Variants in PARP14 observed in about 807,000 individuals in gnomAD.
The protein encoded by PARP14 is poly(ADP-ribose) polymerase family member 14.
A neutral mutation model predicts 154.2 loss-of-function variants in PARP14; 59 were observed. The ratio of observed to expected loss-of-function variants is 0.38; its 90% CI spans 0.31 to 0.48. The LOEUF (loss-of-function observed/expected upper bound fraction) is 0.48, where lower values mean the gene tolerates loss of function less well. PARP14 is among the 20% of genes least tolerant of loss of function. The pLI, the probability that PARP14 is intolerant of heterozygous loss-of-function variation, is 0.98. For missense variants in PARP14, 1,734 were observed against 2,131.6 expected, an observed-to-expected ratio of 0.81 and a Z score of 3.67; for synonymous variants, 720 against 780.5, an observed-to-expected ratio of 0.92 and a Z score of 1.29.
At chr3:122,686,850 T>C (rs1026717012) in intron 2 of PARP14, 2 of 491,954 alleles carry the variant, frequency 4.1e-6, no homozygotes, top group Admixed American at 7.4e-5. Context: ...AAATGCTTGG[T>C]GTTAATTGAG....
At position 122,701,488 on chromosome 3, in the gene PARP14, T is replaced by C; in HGVS notation, c.2934T>C (p.Phe978=). ...TTGCAGAAGCTGTGAAAACTGTATT[T>C]AAAGCCACCCTGCCAGATACAGCTG... is the stretch of plus-strand genomic sequence containing the variant. ...EAFAEAVKTV[F]KATLPDTAAP... Residue 978 remains phenylalanine (F), a synonymous_variant, in exon 6 of 17, where the codon TTT becomes TTC. Transcript: ENST00000474629. The surrounding 1 kb of genome is among the most constrained non-coding windows in gnomAD (Gnocchi z 4.0). The C allele has an allele frequency of 6.2e-7, 1 of 1,613,876 alleles. No individual in the cohort carries two copies. The highest frequency in any genetic ancestry group is 8.5e-7 in the Non-Finnish European group (1 of 1,179,842).
Position 122,700,194 on chromosome 3 carries a change from A to G in PARP14, c.1640A>G (p.Gln547Arg), listed in dbSNP as rs367886057. Residue 547 changes from glutamine to arginine, a missense_variant, in exon 6 of 17, where the codon CAA (glutamine) becomes CGA (arginine). Gln to Arg is a conservative substitution (Grantham distance 43). This residue lies in a region of PARP14 where 1,646 missense variants were observed against 1,976.0 expected (regional missense o/e 0.83). Transcript: ENST00000474629. ...TCTCCTGAGATTTTTCAGTTTTTGC[A>G]ACAGGTAAACTGGAAAGAATTCTCT... The part of the protein sequence containing the change: ...QVSPEIFQFL[Q>R]QVNWKEFSKC... The G allele has an allele frequency of 3.7e-5, 59 of 1,612,094 alleles. No individual in the cohort carries two copies. Among genetic ancestry groups the G allele is most frequent in the Middle Eastern group, 1.7e-4 (1 of 6,058 alleles).
In PARP14 at chr3:122,701,139, G is replaced by A. The variant is rs773698169; in HGVS notation, c.2585G>A (p.Gly862Asp). 6.2e-7 allele frequency: 1 copy of A among 1,613,836 alleles called. No homozygotes were observed. Residue 862 changes from glycine (G) to aspartate (D), a missense_variant, in exon 6 of 17, where the codon GGC (glycine) becomes GAC (aspartate). By Grantham distance (94) the Gly-to-Asp change is moderately conservative. Coordinates refer to ENST00000474629, the MANE Select transcript of PARP14 (RefSeq NM_017554.3). This position sits in a 1 kb window ranked among gnomAD's most constrained non-coding sequence, Gnocchi z 4.0. ...AAGAGAGAGGGCAGACTCCTACCGG[G>A]CAATGCCACCATCTCCAAGGCAGGA... ...IVKREGRLLP[G>D]NATISKAGKL...
At chr3:122,704,856 A>G in intron 8 of PARP14, 108 bp downstream of exon 8, 1 of 642,918 alleles carries the variant, frequency 1.6e-6, no homozygotes, top group Non-Finnish European at 2.7e-6. Flanking sequence ...CCCATTCAGG[A>G]AAGTAAGAAG....
chr3:122,682,183 C>T (rs1419184603), intron 1 of PARP14, among the ~76,000 whole-genome samples: 1 of 152,188 alleles, frequency 6.6e-6, no homozygotes, highest in African/African-American at 2.4e-5. Context: ...CCAAGGAGTG[C>T]TCAGAAGGGC....
At position 122,696,118 on chromosome 3, in the gene PARP14, C is replaced by T. The variant is rs77098192; in HGVS notation, c.835+456C>T. 2.9e-3 allele frequency among the ~76,000 whole-genome samples: 449 copies of T among 152,262 alleles called. 5 individuals are homozygous for T. Among genetic ancestry groups the T allele is most frequent in the African/African-American group, 0.01 (432 of 41,546 alleles). ...ATGGACAGGAGTGGTTTCACATGACCAGTGGATGCCTGCTGGACTATTGTT... is the reference window on the plus strand; with the variant it reads ...ATGGACAGGAGTGGTTTCACATGACTAGTGGATGCCTGCTGGACTATTGTT... On this transcript the variant is annotated intron_variant, in intron 5 of 16. Transcript: ENST00000474629.
At chr3:122,683,962 C>T (rs1022882804) in intron 1 of PARP14, among the ~76,000 whole-genome samples, 3 of 152,176 alleles carry the variant, frequency 2.0e-5, no homozygotes, top group Admixed American at 2.0e-4. Flanking sequence ...TTTAGTAAAG[C>T]CCTTCAGGAG....
intron 15 of PARP14, among the ~76,000 whole-genome samples, chr3:122,723,113 T>C (rs1933199969): frequency 6.6e-6 from 1 of 152,048 alleles, no homozygotes; most frequent in Admixed American, 6.5e-5. Flanking sequence ...TTTTTTTTTG[T>C]ATTTTTAGTA....
At position 122,701,633 on chromosome 3, in the gene PARP14, A is replaced by G; in HGVS notation, c.3079A>G (p.Lys1027Glu). ...GGTGAAAGAGGGTGTGCAGAATGCT[A>G]AGGTGAGTGTCGCTTTTACAGAACA... ...LLVKEGVQNAKTDVVVNSVPL... is the reference protein window; with the variant it reads ...LLVKEGVQNAETDVVVNSVPL... Residue 1027 changes from lysine to glutamate, a missense_variant and splice_region_variant, in exon 6 of 17, where the codon AAG (lysine) becomes GAG (glutamate). This residue lies in a region of PARP14 where 1,646 missense variants were observed against 1,976.0 expected (regional missense o/e 0.83). Transcript: ENST00000474629. This position sits in a 1 kb window ranked among gnomAD's most constrained non-coding sequence, Gnocchi z 4.0. 1 of 1,580,326 alleles carries G rather than the reference A, an allele frequency of 6.3e-7. No homozygotes were observed. Among genetic ancestry groups the G allele is most frequent in the East Asian group, 2.3e-5 (1 of 43,896 alleles).
At chr3:122,720,994 G>T in intron 15 of PARP14, 1 of 317,326 alleles carries the variant, frequency 3.2e-6, no homozygotes, top group South Asian at 2.3e-5. Context: ...AAACATTTTT[G>T]ATATTGCTGT....
chr3:122,717,976 A>C (rs1007967459), intron 12 of PARP14, 95 bp from the exon 13 acceptor site: 11 of 892,704 alleles, frequency 1.2e-5, no homozygotes, highest in Non-Finnish European at 1.6e-5. Context: ...AGGAGTGGGC[A>C]TTTATTCTCT....
At chr3:122,720,504 A>AT in intron 15 of PARP14, 116 bp downstream of exon 15, 1 of 937,588 alleles carries the variant, frequency 1.1e-6, no homozygotes. Context: ...CAGAATTAGA[A>AT]TTTGTATGGT....
rs1932932358 is a variant in PARP14, at chr3:122,714,413, C to T, written c.3984C>T (p.Leu1328=). 1.3e-6 allele frequency: 2 copies of T among 1,579,078 alleles called. No homozygotes were observed. The highest frequency in any genetic ancestry group is 1.7e-6 in the Non-Finnish European group (2 of 1,168,656). The part of the protein sequence containing the change: ...CEKKNYSSIC[L]PAIGTGNAKQ... The stretch of plus-strand genomic sequence containing the variant: ...AAAAAAATTACTCATCCATTTGCCT[C>T]CCAGCCATTGGGACAGGTTCGTAGC... The change falls in exon 12 of 17, where the codon CTC becomes CTT. Residue 1328 remains leucine (L), a synonymous_variant. Coordinates refer to ENST00000474629, the MANE Select transcript of PARP14 (RefSeq NM_017554.3).
chr3:122,719,016 C>T (rs17271133), intron 14 of PARP14, 58 bp downstream of exon 14: 93,966 of 1,422,340 alleles, frequency 0.066, 3,459 homozygotes, highest in Middle Eastern at 0.084. Context: ...GGGCATAACA[C>T]TATTTGGTAC....
chr3:122,714,254 T>A lies in PARP14; in HGVS notation c.3833-8T>A. Reference sequence around the variant, plus strand: ...CTAATTTTGCATCTTTTTGTCTGTGTTTCCCAGCTCAGCAGCGCAAAAATG... The same window carrying A: ...CTAATTTTGCATCTTTTTGTCTGTGATTCCCAGCTCAGCAGCGCAAAAATG... On this transcript the variant is annotated splice_region_variant and splice_polypyrimidine_tract_variant and intron_variant, in intron 11 of 16. Coordinates refer to ENST00000474629, the MANE Select transcript of PARP14 (RefSeq NM_017554.3). 1 of 1,587,500 alleles carries A rather than the reference T, an allele frequency of 6.3e-7. No individual in the cohort carries two copies. Among genetic ancestry groups the A allele is most frequent in the African/African-American group, 1.4e-5 (1 of 73,354 alleles).
intron 15 of PARP14, chr3:122,720,806 T>G: frequency 2.2e-6 from 1 of 457,090 alleles, no homozygotes; most frequent in Non-Finnish European, 4.4e-6. Context: ...CTTTTCTCGT[T>G]TATCATAATT....
chr3:122,703,020 A>C (rs1939034017), intron 6 of PARP14, among the ~76,000 whole-genome samples: 2 of 99,522 alleles, frequency 2.0e-5, no homozygotes, highest in African/African-American at 7.0e-5. Flanking sequence ...ACAAAAAAAA[A>C]AAACAAAAAA....
intron 12 of PARP14, among the ~76,000 whole-genome samples, chr3:122,716,643 T>C (rs1933007147): frequency 6.6e-6 from 1 of 151,976 alleles, no homozygotes; most frequent in Non-Finnish European, 1.5e-5. Flanking sequence ...CCAAAATAGC[T>C]CCTCAATCCC....
rs746015182 is a variant in PARP14, at chr3:122,727,985, T to C, written c.5115T>C (p.Asn1705=). Residue 1705 remains asparagine (N), a splice_region_variant and synonymous_variant, in exon 16 of 17, where the codon AAT becomes AAC. Transcript: ENST00000474629. ...NGFNRSYAGK[N]AVAYGKGTYF... Reference sequence around the variant, plus strand: ...TTAACCGCAGCTATGCCGGAAAGAATGGTAAGGAAGCGAGTAATCTGGCTG... The same window carrying C: ...TTAACCGCAGCTATGCCGGAAAGAACGGTAAGGAAGCGAGTAATCTGGCTG... 3.7e-6 allele frequency: 6 copies of C among 1,609,304 alleles called. No individual in the cohort carries two copies. Among genetic ancestry groups the C allele is most frequent in the South Asian group, 1.1e-5 (1 of 90,400 alleles).
Sources: allele counts gnomAD v4.1 joint callset (sites outside exome capture counted in the v4.1 genomes callset), GRCh38; gene constraint gnomAD v4.1.1; regional missense constraint gnomAD v4.1.1; non-coding constraint Gnocchi (gnomAD v3.1); transcripts MANE v1.5; gene names NCBI Gene and HGNC (gene_info 2026-07-23, HGNC 2026-07-21).